Variants in ZNF423 observed in about 807,000 individuals in gnomAD.
ZNF423 encodes the protein Ebf-associated zinc finger protein.
Under a neutral mutation model 95.8 loss-of-function variants are expected in ZNF423, and 12 were observed. The observed-to-expected ratio is 0.13, with a 90% CI of 0.08 to 0.20. The LOEUF is 0.20. ZNF423 is among the 10% of genes least tolerant of loss of function. The probability of loss-of-function intolerance (pLI) is 1.00; values close to 1 mark genes in which losing one functional copy is unlikely to be tolerated. For missense variants in ZNF423, 1,316 were observed against 1,737.1 expected, an observed-to-expected ratio of 0.76 and a Z score of 4.31; for synonymous variants, 749 against 711.9, an observed-to-expected ratio of 1.05 and a Z score of -0.83.
At chr16:49,712,316 G>T (rs1360249706) in intron 3 of ZNF423, among the ~76,000 whole-genome samples, 1 of 152,218 alleles carries the variant, frequency 6.6e-6, no homozygotes, top group Non-Finnish European at 1.5e-5. Context: ...GGGCTCGCGT[G>T]CCTGAGCAGG....
intron 1 of ZNF423, among the ~76,000 whole-genome samples, chr16:49,853,495 A>G (rs1274366840): frequency 6.6e-6 from 1 of 152,186 alleles, no homozygotes; most frequent in Admixed American, 6.5e-5. Flanking sequence ...GCAAAAAGCC[A>G]TGGGAAGAAT....
upstream of ZNF423, chr16:49,857,867 G>C (rs542049789): frequency 6.6e-6 from 1 of 152,360 alleles, no homozygotes; most frequent in South Asian, 2.1e-4. This position sits in a 1 kb window ranked among gnomAD's most constrained non-coding sequence, Gnocchi z 6.2. Flanking sequence ...CTCCTGAACC[G>C]GCTGAGACTC....
At chr16:49,751,242 G>A (rs2033629059) in intron 2 of ZNF423, among the ~76,000 whole-genome samples, 1 of 152,164 alleles carries the variant, frequency 6.6e-6, no homozygotes, top group African/African-American at 2.4e-5. Context: ...TGTTGTATGA[G>A]ACAGGGTCTC....
intron 3 of ZNF423, among the ~76,000 whole-genome samples, chr16:49,710,763 A>C (rs2032518055): frequency 6.6e-6 from 1 of 152,210 alleles, no homozygotes; most frequent in African/African-American, 2.4e-5. Context: ...TCAAGAGGTG[A>C]CAACACGTGG....
At chr16:49,845,619 C>A (rs528435003) in intron 1 of ZNF423, among the ~76,000 whole-genome samples, 64 of 152,222 alleles carry the variant, frequency 4.2e-4, no homozygotes, top group African/African-American at 1.5e-3. Flanking sequence ...TGGCTCACCA[C>A]AGCCTCAACC....
intron 3 of ZNF423, among the ~76,000 whole-genome samples, chr16:49,644,658 C>CAAAAAAAAAAAAAAAAAAAA (rs56066766): frequency 2.5e-5 from 1 of 39,566 alleles, no homozygotes; most frequent in Non-Finnish European, 4.3e-5. Context: ...AACTCTGACT[C>CAAAAAAAAAAAAAAAAAAAA]AAAAAAAAAA....
intron 2 of ZNF423, among the ~76,000 whole-genome samples, chr16:49,774,308 G>C (rs2034084357): frequency 6.6e-6 from 1 of 152,096 alleles, no homozygotes; most frequent in African/African-American, 2.4e-5. Context: ...GCCCCCAGAG[G>C]ACAGCTCACC....
At chr16:49,593,555 T>C (rs1429113601) in intron 5 of ZNF423, among the ~76,000 whole-genome samples, 1 of 152,146 alleles carries the variant, frequency 6.6e-6, no homozygotes, top group Admixed American at 6.5e-5. Flanking sequence ...CAGAGATCTC[T>C]TTCTGGTGGG....
chr16:49,770,532 T>C (rs2034013542), intron 2 of ZNF423, among the ~76,000 whole-genome samples: 1 of 152,060 alleles, frequency 6.6e-6, no homozygotes, highest in Non-Finnish European at 1.5e-5. Context: ...GTGGTCGTCA[T>C]AGGCTCTGAA....
chr16:49,757,565 C>T (rs1489681652), intron 2 of ZNF423, among the ~76,000 whole-genome samples: 2 of 152,216 alleles, frequency 1.3e-5, no homozygotes, highest in Non-Finnish European at 2.9e-5. Flanking sequence ...TAGAACTCAC[C>T]TGTCAGTAAC....
At chr16:49,725,359 G>A (rs1005513217) in intron 3 of ZNF423, among the ~76,000 whole-genome samples, 1 of 151,846 alleles carries the variant, frequency 6.6e-6, no homozygotes, top group Admixed American at 6.6e-5. Flanking sequence ...CTCCAGGCTG[G>A]GCAACAGAAC....
chr16:49,522,494 G>C (rs554695450), intron 7 of ZNF423, among the ~76,000 whole-genome samples: 1 of 152,076 alleles, frequency 6.6e-6, no homozygotes, highest in East Asian at 1.9e-4. Flanking sequence ...ATGTCACATG[G>C]GCAACAAATA....
chr16:49,678,157 C>T (rs1204274634), intron 3 of ZNF423, among the ~76,000 whole-genome samples: 1 of 151,586 alleles, frequency 6.6e-6, no homozygotes, highest in Non-Finnish European at 1.5e-5. Context: ...CACTCCAGCC[C>T]GGGTGACAGA....
intron 5 of ZNF423, among the ~76,000 whole-genome samples, chr16:49,553,828 C>G (rs1055865924): frequency 3.9e-5 from 6 of 152,124 alleles, no homozygotes; most frequent in Admixed American, 1.3e-4. Flanking sequence ...TTATAAGATT[C>G]TCTCATAACA....
intron 7 of ZNF423, among the ~76,000 whole-genome samples, chr16:49,522,172 C>A (rs1160278476): frequency 1.3e-5 from 2 of 152,186 alleles, no homozygotes; most frequent in Admixed American, 6.5e-5. Context: ...TAGGGTCCCC[C>A]CTGGAGGGCC....
intron 2 of ZNF423, among the ~76,000 whole-genome samples, chr16:49,752,179 C>T (rs918031624): frequency 1.3e-5 from 2 of 152,234 alleles, no homozygotes; most frequent in Admixed American, 6.5e-5. Context: ...CCACTGTGCC[C>T]GTGACGTGGC....
At chr16:49,641,950 AC>A (rs1972988210) in intron 3 of ZNF423, among the ~76,000 whole-genome samples, 1 of 152,218 alleles carries the variant, frequency 6.6e-6, no homozygotes, top group African/African-American at 2.4e-5. Flanking sequence ...CTGTAAACTT[AC>A]CAAAGACTGG....
At chr16:49,659,050 T>C (rs932806998) in intron 3 of ZNF423, among the ~76,000 whole-genome samples, 1 of 152,238 alleles carries the variant, frequency 6.6e-6, no homozygotes, top group African/African-American at 2.4e-5. Flanking sequence ...TACTCACTCA[T>C]ATTAGTCTTT....
intron 2 of ZNF423, among the ~76,000 whole-genome samples, chr16:49,756,267 G>A (rs2033725130): frequency 6.6e-6 from 1 of 152,188 alleles, no homozygotes; most frequent in African/African-American, 2.4e-5. Context: ...AGGTCTAAGA[G>A]GCTCTAAGTG....
Sources: allele counts gnomAD v4.1 joint callset (sites outside exome capture counted in the v4.1 genomes callset), GRCh38; gene constraint gnomAD v4.1.1; non-coding constraint Gnocchi (gnomAD v3.1); transcripts MANE v1.5; gene names NCBI Gene and HGNC (gene_info 2026-07-23, HGNC 2026-07-21).